PGAP1: variants seen among roughly 807,000 people sequenced by gnomAD.
PGAP1 encodes the protein GPI inositol-deacylase.
Under a neutral mutation model 127.0 loss-of-function variants are expected in PGAP1, and 76 were observed. The observed-to-expected ratio is 0.60, with a 90% CI of 0.50 to 0.72. The LOEUF is 0.72. Among genes scored for constraint, PGAP1 ranks in the 30% least tolerant of loss-of-function variants. PGAP1 has a pLI of 0.00. For missense variants in PGAP1, 982 were observed against 1,071.3 expected (o/e 0.92, Z 1.16); for synonymous variants, 362 against 366.5 (o/e 0.99, Z 0.14).
At chr2:196,867,464 A>C (rs1380152473) in intron 19 of PGAP1, among the ~76,000 whole-genome samples, 1 of 152,120 alleles carries the variant, frequency 6.6e-6, no homozygotes, top group African/African-American at 2.4e-5. Context: ...ATCACACACC[A>C]GGGCCTGTCC....
At chr2:196,847,409 C>A in intron 21 of PGAP1, 1 of 412,058 alleles carries the variant, frequency 2.4e-6, no homozygotes. Flanking sequence ...ATCTGCATTT[C>A]AGTATAGCTT....
At position 196,834,231 on chromosome 2, in the gene PGAP1, C is replaced by A. The variant is rs188151737; in HGVS notation, c.*7003G>T. On this transcript the variant is annotated 3_prime_UTR_variant, in exon 27 of 27. Transcript: ENST00000354764. ...AACCTAAGCCAAACCTAATTTTCTA[C>A]ATCTATGTAGCGTAAGTCTACTTTA... The A allele has an allele frequency of 6.6e-6, 1 of 152,172 alleles. No individual in the cohort carries two copies. Among genetic ancestry groups the A allele is most frequent in the Non-Finnish European group, 1.5e-5 (1 of 67,916 alleles). 9.4% of individuals were successfully genotyped at this position (152,172 alleles called of 1,614,324 possible). A position where few individuals can be genotyped will look rare whatever the true frequency, so the allele number is the denominator to read the frequency against.
At position 196,926,623 on chromosome 2, in the gene PGAP1, GCCA is replaced by G; in HGVS notation, c.-10_-8del. On this transcript the variant is annotated 5_prime_UTR_variant, in exon 1 of 27. Transcript: ENST00000354764. ...TAACTGAGTGAAGAAACATGGTGCC[GCCA>G]CCACCGCCGCCGCCGCCGCCGCCCC... 1 of 1,613,260 alleles carries G rather than the reference GCCA, an allele frequency of 6.2e-7. No individual in the cohort carries two copies. Among genetic ancestry groups the G allele is most frequent in the East Asian group, 2.2e-5 (1 of 44,866 alleles).
At chr2:196,860,389 C>T (rs1701025868) in intron 20 of PGAP1, among the ~76,000 whole-genome samples, 1 of 152,018 alleles carries the variant, frequency 6.6e-6, no homozygotes, top group Non-Finnish European at 1.5e-5. Flanking sequence ...AAAAAATTAG[C>T]TGGGCGTGGT....
At chr2:196,867,247 T>C (rs1701272007) in intron 19 of PGAP1, among the ~76,000 whole-genome samples, 1 of 152,102 alleles carries the variant, frequency 6.6e-6, no homozygotes. Flanking sequence ...AATGATAGAC[T>C]GGATAAAGAA....
intron 4 of PGAP1, 150 bp downstream of exon 4, chr2:196,912,732 G>T: frequency 1.8e-6 from 1 of 555,250 alleles, no homozygotes. Context: ...TAAAGAGACA[G>T]ACACTCAGAA....
intron 20 of PGAP1, among the ~76,000 whole-genome samples, chr2:196,857,736 G>A (rs966747393): frequency 2.0e-5 from 3 of 152,132 alleles, no homozygotes; most frequent in African/African-American, 7.2e-5. Flanking sequence ...ACTGCAACCT[G>A]GAACAAAGGC....
At chr2:196,844,631 G>A in intron 23 of PGAP1, 57 bp from the exon 24 acceptor site, 9 of 1,215,140 alleles carry the variant, frequency 7.4e-6, no homozygotes, top group Non-Finnish European at 9.3e-6. Context: ...AAACATATAA[G>A]CCTTTTGGTA....
At chr2:196,885,915 G>T in intron 10 of PGAP1, 35 bp from the exon 11 acceptor site, 1 of 1,318,180 alleles carries the variant, frequency 7.6e-7, no homozygotes, top group Non-Finnish European at 9.8e-7. Context: ...AACACACTAA[G>T]TATTGTAGAA....
At chr2:196,853,907 T>C (rs1276150403) in intron 20 of PGAP1, among the ~76,000 whole-genome samples, 2 of 149,092 alleles carry the variant, frequency 1.3e-5, no homozygotes, top group African/African-American at 5.0e-5. Flanking sequence ...TTCCCAAAGA[T>C]GAATTTTTTT....
At chr2:196,891,220 G>A (rs182653158) in intron 9 of PGAP1, among the ~76,000 whole-genome samples, 27 of 152,178 alleles carry the variant, frequency 1.8e-4, no homozygotes, top group African/African-American at 5.8e-4. Flanking sequence ...CCATTGAAAA[G>A]GCCTAGAAAT....
At chr2:196,853,525 T>G (rs1700783835) in intron 20 of PGAP1, among the ~76,000 whole-genome samples, 1 of 152,220 alleles carries the variant, frequency 6.6e-6, no homozygotes. Context: ...TTTTCCTGTA[T>G]CTGATTAAAT....
chr2:196,926,520 C>G lies in PGAP1; in HGVS notation c.97G>C (p.Glu33Gln). ...LGLWDVFFGF[E>Q]ENKCSMSYMF... Reference sequence around the variant, plus strand: ...TAGCTCATACTGCACTTATTCTCCTCGAAGCCGAAGAAGACATCCCACAGC... The same window carrying G: ...TAGCTCATACTGCACTTATTCTCCTGGAAGCCGAAGAAGACATCCCACAGC... Residue 33 changes from glutamate (E) to glutamine (Q), a missense_variant, in exon 1 of 27, where the codon GAG becomes CAG. Glu to Gln is a conservative substitution (Grantham distance 29). Transcript: ENST00000354764. 6.2e-7 allele frequency: 1 copy of G among 1,614,152 alleles called. No homozygotes were observed. Among genetic ancestry groups the G allele is most frequent in the East Asian group, 2.2e-5 (1 of 44,872 alleles).
intron 12 of PGAP1, among the ~76,000 whole-genome samples, chr2:196,882,847 T>C (rs757264978): frequency 4.6e-5 from 7 of 152,192 alleles, no homozygotes; most frequent in South Asian, 2.1e-4. Flanking sequence ...CCCTTATTTC[T>C]TTCTCTTGCC....
chr2:196,862,994 T>C (rs1701117347), intron 20 of PGAP1, among the ~76,000 whole-genome samples: 1 of 152,168 alleles, frequency 6.6e-6, no homozygotes, highest in Non-Finnish European at 1.5e-5. Context: ...ACCAGTGAAA[T>C]GTACGTCAAA....
At chr2:196,875,435 T>C (rs1253381498) in intron 14 of PGAP1, among the ~76,000 whole-genome samples, 1 of 152,198 alleles carries the variant, frequency 6.6e-6, no homozygotes, top group East Asian at 1.9e-4. Context: ...AACCTTCTTA[T>C]ACAAATAATT....
chr2:196,856,445 T>C (rs1466765497), intron 20 of PGAP1, among the ~76,000 whole-genome samples: 3 of 152,252 alleles, frequency 2.0e-5, no homozygotes, highest in Admixed American at 1.3e-4. Flanking sequence ...AAGTTCTTGA[T>C]AGACTATACT....
At chr2:196,872,735 G>A in intron 17 of PGAP1, 186 bp from the exon 18 acceptor site, 2 of 583,360 alleles carry the variant, frequency 3.4e-6, no homozygotes, top group South Asian at 2.5e-5. Context: ...GGACACAGGA[G>A]TTGCGAGAGG....
chr2:196,870,508 C>A (rs1223812166), intron 19 of PGAP1, among the ~76,000 whole-genome samples: 4 of 152,076 alleles, frequency 2.6e-5, no homozygotes, highest in Admixed American at 2.0e-4. Context: ...GTTGGCCAGG[C>A]TGGTCTCGAA....
Sources: gnomAD v4.1 joint callset for allele counts (sites outside exome capture counted in the v4.1 genomes callset) on GRCh38, gnomAD v4.1.1 for gene constraint, MANE v1.5 for transcripts, NCBI Gene and HGNC (gene_info 2026-07-23, HGNC 2026-07-21) for gene names.